RNF150: variants seen among roughly 807,000 people sequenced by gnomAD.
RNF150 encodes the protein ring finger protein 150.
Under a neutral mutation model 39.3 loss-of-function variants are expected in RNF150, and 24 were observed. The ratio of observed to expected loss-of-function variants is 0.61; its 90% confidence interval spans 0.44 to 0.86. RNF150 has a LOEUF of 0.86. RNF150 is among the 40% of genes least tolerant of loss of function. The probability of loss-of-function intolerance (pLI) is 0.00; values close to 1 mark genes in which losing one functional copy is unlikely to be tolerated. For synonymous variants in RNF150, 255 were observed against 227.3 expected, an observed-to-expected ratio of 1.12 and a Z score of -1.10; for missense variants, 502 against 587.8, an observed-to-expected ratio of 0.85 and a Z score of 1.51.
At chr4:141,074,362 A>G (rs1354553374) in intron 1 of RNF150, among the ~76,000 whole-genome samples, 1 of 151,550 alleles carries the variant, frequency 6.6e-6, no homozygotes, top group East Asian at 1.9e-4. Flanking sequence ...CAGAATGGGA[A>G]AGAGTGATTC....
At chr4:140,958,544 C>T (rs1175756669) in intron 2 of RNF150, among the ~76,000 whole-genome samples, 1 of 152,166 alleles carries the variant, frequency 6.6e-6, no homozygotes, top group Non-Finnish European at 1.5e-5. Flanking sequence ...CTCCCAAATT[C>T]ATTCTATCAA....
intron 6 of RNF150, among the ~76,000 whole-genome samples, chr4:140,876,219 T>C (rs1729150395): frequency 6.6e-6 from 1 of 152,224 alleles, no homozygotes; most frequent in Non-Finnish European, 1.5e-5. Context: ...ATCAACCCTG[T>C]ATTGTACAAG....
chr4:141,167,056 G>A (rs1359199889), intron 1 of RNF150, among the ~76,000 whole-genome samples: 1 of 152,070 alleles, frequency 6.6e-6, no homozygotes, highest in Non-Finnish European at 1.5e-5. Flanking sequence ...CAGCATCTCA[G>A]CCCCAAATCT....
chr4:141,149,985 C>T (rs1027426975), intron 1 of RNF150, among the ~76,000 whole-genome samples: 4 of 152,104 alleles, frequency 2.6e-5, no homozygotes, highest in Non-Finnish European at 5.9e-5. Context: ...TGCCTTGGTG[C>T]AGTTCAGTCC....
intron 2 of RNF150, 134 bp downstream of exon 2, chr4:140,967,489 A>C: frequency 1.5e-6 from 1 of 656,564 alleles, no homozygotes; most frequent in Admixed American, 3.0e-5. Flanking sequence ...GAAAAATGAT[A>C]CAGCAAATGT....
Position 141,027,912 on chromosome 4 carries a change from G to GTTTTTTGTTTTTTTTTTTTTTTTTTTT in RNF150, c.485-60040_485-60039insAAAAAAAAAAAAAAAAAAAACAAAAAA, listed in dbSNP as rs1560696593. On this transcript the variant is annotated intron_variant, in intron 1 of 6. Coordinates refer to ENST00000515673, the MANE Select transcript of RNF150 (RefSeq NM_020724.2). ...TAGATAGTTAATGAGCTTGGAATTT[G>GTTTTTTGTTTTTTTTTTTTTTTTTTTT]TTTTTTTTTTTTTGTTTTTTTTTTT... 2.6e-4 allele frequency among the ~76,000 whole-genome samples: 7 copies of GTTTTTTGTTTTTTTTTTTTTTTTTTTT among 27,100 alleles called. 3 individuals are homozygous for GTTTTTTGTTTTTTTTTTTTTTTTTTTT. Among genetic ancestry groups the GTTTTTTGTTTTTTTTTTTTTTTTTTTT allele is most frequent in the African/African-American group, 4.3e-4 (4 of 9,260 alleles). 17.8% of individuals were successfully genotyped at this position (27,100 alleles called of 152,430 possible). A position where few individuals can be genotyped will look rare whatever the true frequency, so the allele number is the denominator to read the frequency against.
intron 1 of RNF150, among the ~76,000 whole-genome samples, chr4:141,017,874 T>C (rs935575502): frequency 6.6e-6 from 1 of 152,198 alleles, no homozygotes; most frequent in Non-Finnish European, 1.5e-5. Flanking sequence ...TGGTTATATG[T>C]ACCACAATTT....
At chr4:141,155,430 T>C (rs1383032613) in intron 1 of RNF150, among the ~76,000 whole-genome samples, 1 of 151,932 alleles carries the variant, frequency 6.6e-6, no homozygotes, top group African/African-American at 2.4e-5. Context: ...AGTTGCAGCC[T>C]GCAAGCCGGC....
chr4:141,061,580 T>C (rs959524422), intron 1 of RNF150, among the ~76,000 whole-genome samples: 2 of 152,118 alleles, frequency 1.3e-5, no homozygotes, highest in African/African-American at 4.8e-5. Context: ...AGTGGGAAAA[T>C]GCCACCATAC....
chr4:140,940,858 C>T (rs1372117314), intron 4 of RNF150, among the ~76,000 whole-genome samples: 2 of 152,120 alleles, frequency 1.3e-5, no homozygotes, highest in Non-Finnish European at 2.9e-5. Flanking sequence ...ATGGGATAGC[C>T]CTGCTCTGTC....
chr4:141,027,168 G>A (rs1045918150), intron 1 of RNF150, among the ~76,000 whole-genome samples: 2 of 152,136 alleles, frequency 1.3e-5, no homozygotes, highest in African/African-American at 4.8e-5. Flanking sequence ...ACAGACAACT[G>A]AAGAAGGAAA....
At chr4:140,879,838 G>T (rs1008575081) in intron 6 of RNF150, among the ~76,000 whole-genome samples, 1 of 151,990 alleles carries the variant, frequency 6.6e-6, no homozygotes, top group Non-Finnish European at 1.5e-5. Flanking sequence ...AAAAAAATTT[G>T]CACCTAGAAA....
intron 1 of RNF150, among the ~76,000 whole-genome samples, chr4:141,161,952 C>G (rs955209644): frequency 6.6e-6 from 1 of 152,214 alleles, no homozygotes. Flanking sequence ...TGGAGAACCT[C>G]TACTAGGGTA....
At chr4:141,002,398 C>T (rs778035908) in intron 1 of RNF150, among the ~76,000 whole-genome samples, 5 of 152,168 alleles carry the variant, frequency 3.3e-5, no homozygotes, top group African/African-American at 9.7e-5. Flanking sequence ...CTTAATCCAT[C>T]TGCCTCCCCC....
At chr4:140,895,136 A>G (rs1200891999) in intron 6 of RNF150, among the ~76,000 whole-genome samples, 1 of 152,056 alleles carries the variant, frequency 6.6e-6, no homozygotes, top group Non-Finnish European at 1.5e-5. Flanking sequence ...TTAAGAGAAA[A>G]TCTCCTGGAG....
intron 6 of RNF150, among the ~76,000 whole-genome samples, chr4:140,894,442 T>C (rs1729866292): frequency 6.6e-6 from 1 of 152,228 alleles, no homozygotes; most frequent in African/African-American, 2.4e-5. Context: ...ACGTAGTTTC[T>C]GAATTTTTCT....
intron 2 of RNF150, 74 bp downstream of exon 2, chr4:140,967,549 T>C: frequency 7.2e-7 from 1 of 1,391,558 alleles, no homozygotes; most frequent in Non-Finnish European, 9.7e-7. Context: ...CTTGGTATTT[T>C]CTGTCATGTT....
chr4:140,968,007 A>G (rs28393501), intron 1 of RNF150, 134 bp from the exon 2 acceptor site: 17,001 of 734,496 alleles, frequency 0.023, 682 homozygotes, highest in African/African-American at 0.13. Flanking sequence ...CTGGGCTAAG[A>G]AGACCTAATA....
intron 1 of RNF150, among the ~76,000 whole-genome samples, chr4:140,968,531 G>A (rs936453851): frequency 2.0e-5 from 3 of 151,552 alleles, no homozygotes; most frequent in East Asian, 3.9e-4. Context: ...ACTGAACCAC[G>A]TACCAAGCAA....
Sources: allele counts gnomAD v4.1 joint callset (sites outside exome capture counted in the v4.1 genomes callset), GRCh38; gene constraint gnomAD v4.1.1; transcripts MANE v1.5; gene names NCBI Gene and HGNC (gene_info 2026-07-23, HGNC 2026-07-21).